The following KCND3 variants were observed in gnomAD, a reference collection of about 807,000 sequenced individuals.
KCND3 encodes A-type voltage-gated potassium channel KCND3.
In KCND3, 9 loss-of-function variants were observed where a neutral mutation model predicts 51.1. The observed-to-expected ratio is 0.18, with a 90% CI of 0.11 to 0.31. KCND3 has a LOEUF of 0.31. KCND3 is among the 10% of genes least tolerant of loss of function. The pLI is 1.00. For synonymous variants in KCND3, 349 were observed against 368.0 expected, an observed-to-expected ratio of 0.95 and a Z score of 0.59; for missense variants, 526 against 903.8, an observed-to-expected ratio of 0.58 and a Z score of 5.36.
chr1:111,777,090 G>T lies in KCND3; in HGVS notation c.1702C>A (p.Arg568Ser). The change falls in exon 7 of 8, where the codon CGC becomes AGC. Residue 568 changes from arginine (R) to serine (S), a missense_variant. Around this residue, in one of 5 missense-constraint regions of KCND3, gnomAD observed 266 missense variants for 305.5 expected, o/e 0.87. Transcript: ENST00000302127. ...ATCGTGCTGAGCTCTTGCATGCTGC[G>T]CAGGCGAGTAGCTGGCAGGTTAGAA... ...PNSNLPATRLRSMQELSTIHI... is the reference protein window; with the variant it reads ...PNSNLPATRLSSMQELSTIHI... 1 of 1,614,052 alleles carries T rather than the reference G, an allele frequency of 6.2e-7. No homozygotes were observed. The highest frequency in any genetic ancestry group is 1.1e-5 in the South Asian group (1 of 91,080).
chr1:111,883,566 T>C (rs1400733248), intron 2 of KCND3, among the ~76,000 whole-genome samples: 2 of 152,224 alleles, frequency 1.3e-5, no homozygotes, highest in African/African-American at 4.8e-5. Context: ...ATCTCCATTT[T>C]ATAGATAAGA....
At chr1:111,941,837 A>G (rs1672535272) in intron 2 of KCND3, among the ~76,000 whole-genome samples, 1 of 152,234 alleles carries the variant, frequency 6.6e-6, no homozygotes, top group South Asian at 2.1e-4. Flanking sequence ...TTTGACATAC[A>G]ATTAGCAAGG....
Position 111,981,890 on chromosome 1 carries a change from G to T in KCND3, c.837C>A (p.Asn279Lys). The T allele has an allele frequency of 6.2e-7, 1 of 1,614,108 alleles. No homozygotes were observed. Among genetic ancestry groups the T allele is most frequent in the Non-Finnish European group, 8.5e-7 (1 of 1,180,012 alleles). ...PYYIGLVMTN[N>K]EDVSGAFVTL... ...TGACGAAGGCGCCGGACACGTCCTC[G>T]TTGTTGGTCATGACCAGACCGATGT... is the stretch of plus-strand genomic sequence containing the variant. Residue 279 changes from asparagine to lysine, a missense_variant, in exon 2 of 8, where the codon AAC (asparagine) becomes AAA (lysine). Asn to Lys is a moderately conservative substitution (Grantham distance 94, BLOSUM62 0). This residue lies in a region of KCND3 where 48 missense variants were observed against 228.5 expected (regional missense o/e 0.21). Transcript: ENST00000302127. This position sits in a 1 kb window ranked among gnomAD's most constrained non-coding sequence, Gnocchi z 6.2.
chr1:111,822,755 T>C (rs1218424408), intron 2 of KCND3, among the ~76,000 whole-genome samples: 1 of 152,234 alleles, frequency 6.6e-6, no homozygotes, highest in Admixed American at 6.5e-5. Flanking sequence ...AATTGCTGGA[T>C]CATATGGTAA....
At chr1:111,804,411 C>T (rs1330793772) in intron 2 of KCND3, among the ~76,000 whole-genome samples, 1 of 152,242 alleles carries the variant, frequency 6.6e-6, no homozygotes, top group Non-Finnish European at 1.5e-5. Context: ...TATGTTTGCT[C>T]TGAACCCTCC....
At chr1:111,989,097 G>C (rs1462065417) in intron 1 of KCND3, 1 of 152,312 alleles carries the variant, frequency 6.6e-6, no homozygotes, top group African/African-American at 2.4e-5. Flanking sequence ...CGCCGAGCTG[G>C]AGAACTTTGC....
intron 2 of KCND3, among the ~76,000 whole-genome samples, chr1:111,846,166 T>C (rs1191492020): frequency 6.6e-6 from 1 of 152,188 alleles, no homozygotes; most frequent in African/African-American, 2.4e-5. Flanking sequence ...TATTTATAAT[T>C]AAGCTTGGTC....
intron 2 of KCND3, among the ~76,000 whole-genome samples, chr1:111,923,422 C>T (rs571185550): frequency 3.3e-5 from 5 of 152,272 alleles, no homozygotes; most frequent in African/African-American, 1.2e-4. Flanking sequence ...TCTTCCTGTG[C>T]CCCATCTTCC....
rs1256108679 is a variant in KCND3 at position 111,771,755 on chromosome 1, T to C, written c.*4322A>G. 6.6e-6 allele frequency: 1 copy of C among 152,250 alleles called. No homozygotes were observed. Among genetic ancestry groups the C allele is most frequent in the Non-Finnish European group, 1.5e-5 (1 of 68,042 alleles). 9.4% of individuals were successfully genotyped at this position (152,250 alleles called of 1,614,324 possible). On this transcript the variant is annotated 3_prime_UTR_variant, in exon 8 of 8. Transcript: ENST00000302127. ...ATAGATCGGCATTAACTGTCAACTT[T>C]AAGTTCTGTTCAAATTCTGTGTGAT...
At chr1:111,891,635 T>G (rs575841156) in intron 2 of KCND3, among the ~76,000 whole-genome samples, 1 of 152,336 alleles carries the variant, frequency 6.6e-6, no homozygotes, top group Non-Finnish European at 1.5e-5. Flanking sequence ...CCGTTCTCCA[T>G]CACATGGGTT....
At chr1:111,920,498 A>G (rs1571851781) in intron 2 of KCND3, among the ~76,000 whole-genome samples, 1 of 152,220 alleles carries the variant, frequency 6.6e-6, no homozygotes, top group East Asian at 1.9e-4. Context: ...GCAGCACTCA[A>G]GCCTCCCAGT....
chr1:111,875,066 A>C (rs1668992767), intron 2 of KCND3, among the ~76,000 whole-genome samples: 1 of 152,190 alleles, frequency 6.6e-6, no homozygotes, highest in African/African-American at 2.4e-5. Flanking sequence ...TTGGTTCCAG[A>C]GGGGCCATGG....
intron 2 of KCND3, among the ~76,000 whole-genome samples, chr1:111,895,803 C>T (rs1413726907): frequency 6.6e-6 from 1 of 152,226 alleles, no homozygotes; most frequent in Non-Finnish European, 1.5e-5. Context: ...GCCAGCTCTT[C>T]CCGGGGCCAG....
At chr1:111,932,339 C>A (rs993523185) in intron 2 of KCND3, among the ~76,000 whole-genome samples, 4 of 152,242 alleles carry the variant, frequency 2.6e-5, no homozygotes, top group Non-Finnish European at 5.9e-5. Flanking sequence ...TCTTAACCAG[C>A]TCCACCCTCT....
intron 2 of KCND3, among the ~76,000 whole-genome samples, chr1:111,852,882 C>T (rs1307813241): frequency 6.6e-6 from 1 of 152,162 alleles, no homozygotes; most frequent in Non-Finnish European, 1.5e-5. Flanking sequence ...GTGCTTCCTC[C>T]ACTTCCCCGA....
chr1:111,968,824 G>A (rs931556576), intron 2 of KCND3, among the ~76,000 whole-genome samples: 3 of 152,120 alleles, frequency 2.0e-5, no homozygotes, highest in Admixed American at 1.3e-4. Flanking sequence ...GGAGGGGATC[G>A]GCTGAAAGGC....
At chr1:111,853,312 G>C (rs182516295) in intron 2 of KCND3, among the ~76,000 whole-genome samples, 1 of 152,158 alleles carries the variant, frequency 6.6e-6, no homozygotes, top group Non-Finnish European at 1.5e-5. Context: ...TTTCAGGGTC[G>C]TTCTGGTGTG....
chr1:111,789,788 G>A (rs1254324174), intron 2 of KCND3, among the ~76,000 whole-genome samples: 1 of 152,210 alleles, frequency 6.6e-6, no homozygotes. Context: ...TGACAGTGAG[G>A]TTAACTGGTT....
chr1:111,855,869 G>A (rs1355763892), intron 2 of KCND3, among the ~76,000 whole-genome samples: 1 of 152,188 alleles, frequency 6.6e-6, no homozygotes, highest in Non-Finnish European at 1.5e-5. Context: ...TGGATGAGGG[G>A]AGGGAGTGGG....
Sources: gnomAD v4.1 joint callset for allele counts (sites outside exome capture counted in the v4.1 genomes callset) on GRCh38, gnomAD v4.1.1 for gene constraint, gnomAD v4.1.1 regional missense constraint, Gnocchi (gnomAD v3.1) non-coding constraint, MANE v1.5 for transcripts, NCBI Gene and HGNC (gene_info 2026-07-23, HGNC 2026-07-21) for gene names.